Variants in KANSL1L observed in about 807,000 individuals in gnomAD.
The protein encoded by KANSL1L is KAT8 regulatory NSL complex subunit 1-like protein.
Under a neutral mutation model 108.6 loss-of-function variants are expected in KANSL1L, and 25 were observed. The observed-to-expected ratio is 0.23, with a 90% confidence interval of 0.17 to 0.32. The LOEUF is 0.32. Among genes scored for constraint, KANSL1L ranks in the 10% least tolerant of loss-of-function variants. KANSL1L has a pLI of 1.00. For missense variants in KANSL1L, 1,137 were observed against 1,125.7 expected (o/e 1.01, Z -0.14); for synonymous variants, 405 against 395.1 (o/e 1.03, Z -0.30).
chr2:210,059,283 T>G (rs1320521884), intron 6 of KANSL1L, among the ~76,000 whole-genome samples: 2 of 151,956 alleles, frequency 1.3e-5, no homozygotes, highest in East Asian at 3.9e-4. Context: ...GAGAACTGAG[T>G]TGCCCCAACC....
chr2:210,042,298 G>A (rs1454049174), intron 7 of KANSL1L, among the ~76,000 whole-genome samples: 4 of 152,134 alleles, frequency 2.6e-5, no homozygotes, highest in African/African-American at 9.7e-5. Flanking sequence ...CATTTATTTA[G>A]TACTTACATA....
chr2:210,154,491 T>G lies in KANSL1L; in HGVS notation c.92A>C (p.Glu31Ala), dbSNP rs1419582035. 10 of 1,610,548 alleles carry G rather than the reference T, an allele frequency of 6.2e-6. No homozygotes were observed. The highest frequency in any genetic ancestry group is 8.5e-6 in the Non-Finnish European group (10 of 1,178,438). The change falls in exon 2 of 15, where the codon GAA becomes GCA. Residue 31 changes from glutamate to alanine, a missense_variant. Glu to Ala is a moderately radical substitution (Grantham distance 107). This residue lies in a region of KANSL1L where 556 missense variants were observed against 537.7 expected (regional missense o/e 1.03). Coordinates refer to ENST00000281772, the MANE Select transcript of KANSL1L (RefSeq NM_152519.4). ...TMESDKMLYMESPRTVDEKLK... is the reference protein window; with the variant it reads ...TMESDKMLYMASPRTVDEKLK... ...CTTTTCATCTACAGTTCTGGGACTT[T>G]CCATGTAGAGCATCTTGTCAGACTC...
At chr2:210,029,461 C>A (rs900946006) in intron 10 of KANSL1L, among the ~76,000 whole-genome samples, 1 of 149,122 alleles carries the variant, frequency 6.7e-6, no homozygotes, top group Non-Finnish European at 1.5e-5. Context: ...AACAAAAAAA[C>A]AAACAAACAA....
At chr2:210,144,921 TTGA>T (rs2095255199) in intron 2 of KANSL1L, among the ~76,000 whole-genome samples, 1 of 152,228 alleles carries the variant, frequency 6.6e-6, no homozygotes, top group South Asian at 2.1e-4. Flanking sequence ...GTCTGCATAG[TTGA>T]TGAAGCAGTC....
chr2:210,120,410 T>A (rs1445939448), intron 3 of KANSL1L, among the ~76,000 whole-genome samples: 1 of 151,746 alleles, frequency 6.6e-6, no homozygotes, highest in Non-Finnish European at 1.5e-5. Context: ...AAAATAAAAA[T>A]AAAAAAGTGG....
At chr2:210,025,238 T>A in intron 12 of KANSL1L, 22 bp from the exon 13 acceptor site, 1 of 1,380,222 alleles carries the variant, frequency 7.2e-7, no homozygotes, top group South Asian at 1.2e-5. Context: ...AATAAAGATT[T>A]TTGTTTTAAT....
chr2:210,036,300 G>C (rs1295010920), intron 8 of KANSL1L, among the ~76,000 whole-genome samples: 1 of 152,036 alleles, frequency 6.6e-6, no homozygotes, highest in Non-Finnish European at 1.5e-5. Context: ...TCCTGCTTCA[G>C]CCTCCTAAGT....
At chr2:210,037,241 C>CT (rs1340373457) in intron 8 of KANSL1L, among the ~76,000 whole-genome samples, 2 of 152,080 alleles carry the variant, frequency 1.3e-5, no homozygotes, top group Admixed American at 6.6e-5. Context: ...ATCACATACT[C>CT]TATTACTTTT....
At chr2:210,075,307 AT>A (rs1325718540) in intron 6 of KANSL1L, among the ~76,000 whole-genome samples, 1 of 152,160 alleles carries the variant, frequency 6.6e-6, no homozygotes, top group African/African-American at 2.4e-5. Context: ...GGCATAATAG[AT>A]CTTTAAAAAA....
chr2:210,075,528 T>C (rs780677230), intron 6 of KANSL1L, 24 bp downstream of exon 6: 4 of 1,518,648 alleles, frequency 2.6e-6, no homozygotes, highest in Non-Finnish European at 3.7e-6. Flanking sequence ...TTTGATCATG[T>C]TTTCTTCCCA....
intron 5 of KANSL1L, among the ~76,000 whole-genome samples, chr2:210,096,079 C>T (rs1206973004): frequency 6.6e-6 from 1 of 152,022 alleles, no homozygotes; most frequent in Non-Finnish European, 1.5e-5. Context: ...AAAAGCAAAC[C>T]TTTTCAATTA....
At chr2:210,123,448 T>C (rs1254700648) in intron 3 of KANSL1L, among the ~76,000 whole-genome samples, 1 of 152,138 alleles carries the variant, frequency 6.6e-6, no homozygotes, top group Non-Finnish European at 1.5e-5. Flanking sequence ...AAATTGTGCA[T>C]GTTCTCACTT....
chr2:210,032,518 A>G (rs979225527), intron 8 of KANSL1L: 2 of 152,228 alleles, frequency 1.3e-5, no homozygotes, highest in African/African-American at 4.8e-5. Flanking sequence ...CAAGAAAGGA[A>G]AACTGGGAGC....
At position 210,044,347 on chromosome 2, in the gene KANSL1L, CTAA is replaced by C. The variant is rs1381974594; in HGVS notation, c.1756-246_1756-244del. 6.6e-6 allele frequency among the ~76,000 whole-genome samples: 1 copy of C among 151,880 alleles called. No individual in the cohort carries two copies. The stretch of plus-strand genomic sequence containing the variant: ...CAACTTTGCTATAAACTTTCTTTTT[CTAA>C]TAATATATAGCTTCTTCTAGTCTTT... On this transcript the variant is annotated intron_variant, in intron 6 of 14. Coordinates refer to ENST00000281772, the MANE Select transcript of KANSL1L (RefSeq NM_152519.4). The surrounding 1 kb of genome is among the most constrained non-coding windows in gnomAD (Gnocchi z 4.2).
At chr2:210,155,456 A>G (rs144053414) in intron 1 of KANSL1L, among the ~76,000 whole-genome samples, 51 of 152,264 alleles carry the variant, frequency 3.3e-4, no homozygotes, top group South Asian at 3.3e-3. Context: ...CTAAAAACAT[A>G]TAACTTCACA....
intron 2 of KANSL1L, among the ~76,000 whole-genome samples, chr2:210,145,164 G>A (rs575379310): frequency 2.0e-5 from 3 of 152,298 alleles, no homozygotes; most frequent in African/African-American, 7.2e-5. Context: ...CTCCAGTCAC[G>A]AAGACTGGTG....
chr2:210,076,714 T>C (rs1440884410), intron 5 of KANSL1L, among the ~76,000 whole-genome samples: 1 of 151,616 alleles, frequency 6.6e-6, no homozygotes, highest in Non-Finnish European at 1.5e-5. Context: ...TTTCAAATAT[T>C]TTACAATATC....
In KANSL1L at chr2:210,149,264, C is replaced by T. The variant is rs2095285992; in HGVS notation, c.1088+4231G>A. Among the ~76,000 whole-genome samples the T allele has an allele frequency of 2.6e-5, 4 of 152,064 alleles. No individual in the cohort carries two copies. In the South Asian group the frequency reaches 8.3e-4, roughly 31 times the overall value. On this transcript the variant is annotated intron_variant, in intron 2 of 14. Transcript: ENST00000281772. ...CAGAAATAGTCATTCACTCACTCAA[C>T]AAATACCAAGCAATCATTAAACAGA... is the stretch of plus-strand genomic sequence containing the variant.
intron 6 of KANSL1L, among the ~76,000 whole-genome samples, chr2:210,063,166 G>C (rs1371297006): frequency 6.6e-6 from 1 of 152,350 alleles, no homozygotes. Flanking sequence ...GAGGGTGCAA[G>C]CCCCAAACCT....
Sources: allele counts gnomAD v4.1 joint callset (sites outside exome capture counted in the v4.1 genomes callset), GRCh38; gene constraint gnomAD v4.1.1; regional missense constraint gnomAD v4.1.1; non-coding constraint Gnocchi (gnomAD v3.1); transcripts MANE v1.5; gene names NCBI Gene and HGNC (gene_info 2026-07-23, HGNC 2026-07-21).